Variants in B3GALT1 observed in about 807,000 individuals in gnomAD.
The protein encoded by B3GALT1 is beta-1,3-galactosyltransferase 1.
B3GALT1 carries 10 observed loss-of-function variants against 23.2 expected under a neutral mutation model. That is an observed-to-expected ratio of 0.43 (90% CI 0.27 to 0.73). The LOEUF is 0.73. Among genes scored for constraint, B3GALT1 ranks in the 30% least tolerant of loss-of-function variants. The pLI, the probability that B3GALT1 is intolerant of heterozygous loss-of-function variation, is 0.21. For missense variants in B3GALT1, 299 were observed against 405.4 expected, an observed-to-expected ratio of 0.74 and a Z score of 2.25; for synonymous variants, 156 against 141.5, an observed-to-expected ratio of 1.10 and a Z score of -0.73.
At chr2:167,521,980 G>GTATATATATATA (rs1211999226) in intron 2 of B3GALT1, among the ~76,000 whole-genome samples, 18 of 128,132 alleles carry the variant, frequency 1.4e-4, no homozygotes, top group East Asian at 7.5e-4. Context: ...GTGTGTGTGT[G>GTATATATATATA]TGTGTATATA....
At chr2:167,298,373 A>G (rs577861276) in intron 1 of B3GALT1, among the ~76,000 whole-genome samples, 54 of 152,152 alleles carry the variant, frequency 3.5e-4, no homozygotes, top group Non-Finnish European at 7.4e-4. Flanking sequence ...AAAATAAATA[A>G]TAGAAATGAC....
intron 1 of B3GALT1, among the ~76,000 whole-genome samples, chr2:167,304,669 C>T (rs1696520365): frequency 6.6e-6 from 1 of 151,604 alleles, no homozygotes; most frequent in African/African-American, 2.4e-5. Flanking sequence ...GAGACAGAGA[C>T]AGAGAGACAG....
chr2:167,454,872 C>T (rs1418971815), intron 1 of B3GALT1, among the ~76,000 whole-genome samples: 1 of 152,124 alleles, frequency 6.6e-6, no homozygotes, highest in Non-Finnish European at 1.5e-5. Flanking sequence ...GAATGCCTGC[C>T]ACTTTCCAGC....
intron 2 of B3GALT1, among the ~76,000 whole-genome samples, chr2:167,493,313 A>G (rs1003500495): frequency 1.3e-5 from 2 of 152,210 alleles, no homozygotes; most frequent in Non-Finnish European, 2.9e-5. Context: ...TCTCCAGTGT[A>G]AGGACCACTC....
At chr2:167,328,959 C>T (rs1006637547) in intron 1 of B3GALT1, among the ~76,000 whole-genome samples, 18 of 152,008 alleles carry the variant, frequency 1.2e-4, no homozygotes, top group Non-Finnish European at 2.2e-4. Flanking sequence ...TCTACAGGGG[C>T]GCACCACCAC....
intron 1 of B3GALT1, among the ~76,000 whole-genome samples, chr2:167,434,301 G>T (rs1033965195): frequency 2.6e-5 from 4 of 151,956 alleles, no homozygotes; most frequent in Non-Finnish European, 5.9e-5. Flanking sequence ...TCCCACATTT[G>T]TTCTACAAGA....
chr2:167,671,765 A>G (rs1423679646), intron 3 of B3GALT1, among the ~76,000 whole-genome samples: 1 of 152,062 alleles, frequency 6.6e-6, no homozygotes, highest in Non-Finnish European at 1.5e-5. Flanking sequence ...CAAAGTAATT[A>G]CAGAAGGAAG....
intron 2 of B3GALT1, among the ~76,000 whole-genome samples, chr2:167,513,912 A>C (rs1700064566): frequency 6.6e-6 from 1 of 151,716 alleles, no homozygotes; most frequent in African/African-American, 2.4e-5. Context: ...ATATTTATTT[A>C]TTTATTTTTC....
At chr2:167,388,566 G>A (rs1055827339) in intron 1 of B3GALT1, among the ~76,000 whole-genome samples, 11 of 152,060 alleles carry the variant, frequency 7.2e-5, no homozygotes, top group African/African-American at 2.7e-4. Flanking sequence ...GTAAATATTC[G>A]TCCAAGTAAC....
At chr2:167,293,766 T>C (rs1696297765) in intron 1 of B3GALT1, among the ~76,000 whole-genome samples, 1 of 151,782 alleles carries the variant, frequency 6.6e-6, no homozygotes, top group Admixed American at 6.6e-5. Flanking sequence ...AAATTGAACT[T>C]TATTGCGGTG....
At chr2:167,422,222 C>T (rs916478489) in intron 1 of B3GALT1, among the ~76,000 whole-genome samples, 15 of 151,916 alleles carry the variant, frequency 9.9e-5, no homozygotes, top group Admixed American at 1.3e-4. Flanking sequence ...CTCTCTCCCC[C>T]GCCCGCCCTT....
chr2:167,540,100 C>A (rs994417329), intron 2 of B3GALT1, among the ~76,000 whole-genome samples: 1 of 152,036 alleles, frequency 6.6e-6, no homozygotes, highest in Non-Finnish European at 1.5e-5. Context: ...TTTCTCTTCC[C>A]AAGAGAATTC....
chr2:167,539,259 T>TA (rs554247615), intron 2 of B3GALT1, among the ~76,000 whole-genome samples: 5,507 of 148,054 alleles, frequency 0.037, 178 homozygotes, highest in African/African-American at 0.089. Context: ...TTTTTCTATT[T>TA]AAAAAAAAAA....
chr2:167,503,578 A>G (rs1699877494), intron 2 of B3GALT1, among the ~76,000 whole-genome samples: 1 of 152,206 alleles, frequency 6.6e-6, no homozygotes, highest in Non-Finnish European at 1.5e-5. Flanking sequence ...ACCTGCTGAC[A>G]CAAATTCTAC....
At chr2:167,716,963 T>C (rs1242746534) in intron 3 of B3GALT1, among the ~76,000 whole-genome samples, 2 of 152,192 alleles carry the variant, frequency 1.3e-5, no homozygotes, top group Non-Finnish European at 1.5e-5. Context: ...TATGTCTCTT[T>C]ACCCTCTCAA....
chr2:167,586,304 C>CT (rs921150063), intron 2 of B3GALT1, among the ~76,000 whole-genome samples: 9 of 151,578 alleles, frequency 5.9e-5, no homozygotes, highest in Non-Finnish European at 1.0e-4. Context: ...GTCATATTTT[C>CT]TTTTTTTTTC....
intron 3 of B3GALT1, among the ~76,000 whole-genome samples, chr2:167,790,483 G>A (rs930947328): frequency 2.0e-5 from 3 of 152,136 alleles, no homozygotes; most frequent in Admixed American, 6.5e-5. Flanking sequence ...TGGACTGTCC[G>A]TCTCTACCAT....
rs139041804 is a variant in B3GALT1, at chr2:167,853,980, G to A, written c.-229-14831G>A. Reference sequence around the variant, plus strand: ...TTAGACAACATGAAAAGAGAAATAGGGTTTTCAGATATCATCTTCAATTCA... The same window carrying A: ...TTAGACAACATGAAAAGAGAAATAGAGTTTTCAGATATCATCTTCAATTCA... On this transcript the variant is annotated intron_variant, in intron 4 of 4. Coordinates refer to ENST00000392690, the MANE Select transcript of B3GALT1 (RefSeq NM_020981.4). Among the ~76,000 whole-genome samples the A allele has an allele frequency of 7.9e-5, 12 of 152,120 alleles. No individual in the cohort carries two copies. The East Asian group carries it at 2.1e-3, about 27-fold the overall frequency.
intron 1 of B3GALT1, among the ~76,000 whole-genome samples, chr2:167,370,735 G>A (rs1697669864): frequency 6.6e-6 from 1 of 152,106 alleles, no homozygotes; most frequent in Admixed American, 6.5e-5. Context: ...GACCTGTCTA[G>A]GCAACATAGT....
Sources: allele counts gnomAD v4.1 joint callset (sites outside exome capture counted in the v4.1 genomes callset), GRCh38; gene constraint gnomAD v4.1.1; transcripts MANE v1.5; gene names NCBI Gene and HGNC (gene_info 2026-07-23, HGNC 2026-07-21).